Variants in CSMD2 observed in about 807,000 individuals in gnomAD.
CSMD2 encodes CUB and Sushi multiple domains 2, also known as CUB and sushi domain-containing protein 2.
Under a neutral mutation model 398.5 loss-of-function variants are expected in CSMD2, and 130 were observed. That is an observed-to-expected ratio of 0.33 (90% CI 0.28 to 0.38). The LOEUF (loss-of-function observed/expected upper bound fraction) is 0.38, where lower values mean the gene tolerates loss of function less well. Ranked by LOEUF, CSMD2 falls within the 10% of genes least tolerant of loss-of-function variation. The pLI, the probability that CSMD2 is intolerant of heterozygous loss-of-function variation, is 1.00. For missense variants in CSMD2, 3,829 were observed against 4,764.9 expected (o/e 0.80, Z 5.78); for synonymous variants, 1,828 against 1,908.5 (o/e 0.96, Z 1.10).
intron 53 of CSMD2, among the ~76,000 whole-genome samples, chr1:33,563,252 G>A (rs1658737842): frequency 6.6e-6 from 1 of 152,084 alleles, no homozygotes; most frequent in South Asian, 2.1e-4. Flanking sequence ...TAGAAGCTGA[G>A]GGAAACAGAA....
chr1:33,775,340 C>A (rs1341072477), intron 12 of CSMD2, among the ~76,000 whole-genome samples: 1 of 152,142 alleles, frequency 6.6e-6, no homozygotes, highest in East Asian at 1.9e-4. Context: ...TGTGTTTTAA[C>A]ACGGATATTT....
chr1:34,043,908 G>T (rs1407080472), intron 2 of CSMD2, among the ~76,000 whole-genome samples: 1 of 152,184 alleles, frequency 6.6e-6, no homozygotes, highest in Non-Finnish European at 1.5e-5. Flanking sequence ...TTCCTGGTTG[G>T]CAATATTTCA....
chr1:33,785,816 T>C (rs1171179191), intron 12 of CSMD2, among the ~76,000 whole-genome samples: 1 of 152,238 alleles, frequency 6.6e-6, no homozygotes, highest in Non-Finnish European at 1.5e-5. Context: ...TCCCTTTCTT[T>C]TCCAACAAGA....
At chr1:33,950,842 CCTT>C (rs1387192283) in intron 3 of CSMD2, among the ~76,000 whole-genome samples, 1 of 152,208 alleles carries the variant, frequency 6.6e-6, no homozygotes, top group African/African-American at 2.4e-5. Context: ...TTGTCTCCCT[CCTT>C]CCTATTCAGC....
Position 33,810,695 on chromosome 1 carries a change from A to G in CSMD2, c.1446+48T>C, listed in dbSNP as rs368892435. The G allele has an allele frequency of 1.9e-6, 3 of 1,585,322 alleles. No homozygotes were observed. In the East Asian group the frequency reaches 7.0e-5, roughly 37 times the overall value. On this transcript the variant is annotated intron_variant, in intron 10 of 70. Coordinates refer to ENST00000373381, the MANE Select transcript of CSMD2 (RefSeq NM_001281956.2). The stretch of plus-strand genomic sequence containing the variant: ...AAAACCTTGTAGGCCAACTGTCCCC[A>G]ACCTAGCCCTGCCCACAGAACACCA...
rs143571706 is a variant in CSMD2, at chr1:34,052,495, C to CTGTGTGTGTGTGTG, written c.405-19803_405-19790dup. On this transcript the variant is annotated intron_variant, in intron 2 of 70. Transcript: ENST00000373381. Reference sequence around the variant, plus strand: ...GAGAAATCAATCCCCTATGGGACAACTGTGTGTGTGTGTGTGTGTGTGTGT... The same window carrying CTGTGTGTGTGTGTG: ...GAGAAATCAATCCCCTATGGGACAACTGTGTGTGTGTGTGTGTGTGTGTGTGTGTGTGTGTGTGT... Among the ~76,000 whole-genome samples the CTGTGTGTGTGTGTG allele has an allele frequency of 7.6e-4, 102 of 134,168 alleles. 3 individuals are homozygous for CTGTGTGTGTGTGTG. The highest frequency in any genetic ancestry group is 2.5e-3 in the African/African-American group (88 of 34,984). 88.0% of individuals were successfully genotyped at this position (134,168 alleles called of 152,430 possible).
At chr1:33,847,638 CACA>C (rs1326300181) in intron 5 of CSMD2, among the ~76,000 whole-genome samples, 1 of 151,966 alleles carries the variant, frequency 6.6e-6, no homozygotes, top group Non-Finnish European at 1.5e-5. Flanking sequence ...TCTGTGATGC[CACA>C]ACATTTTATT....
intron 13 of CSMD2, among the ~76,000 whole-genome samples, chr1:33,769,685 A>G: frequency 6.6e-6 from 1 of 152,160 alleles, no homozygotes; most frequent in East Asian, 1.9e-4. Flanking sequence ...ATTCCCTAGT[A>G]AAGAGTTGTT....
At chr1:34,156,294 A>G (rs1020810522) in intron 1 of CSMD2, among the ~76,000 whole-genome samples, 8 of 152,212 alleles carry the variant, frequency 5.3e-5, no homozygotes, top group African/African-American at 1.9e-4. Context: ...AGGTAGACAG[A>G]TTGAGGCTGG....
intron 3 of CSMD2, among the ~76,000 whole-genome samples, chr1:33,961,038 T>C (rs1645340772): frequency 6.6e-6 from 1 of 152,250 alleles, no homozygotes; most frequent in Non-Finnish European, 1.5e-5. Flanking sequence ...CTGGGCCTTA[T>C]ATGAAATCCA....
intron 28 of CSMD2, among the ~76,000 whole-genome samples, 180 bp downstream of exon 28, chr1:33,652,143 A>G (rs1406576184): frequency 6.6e-6 from 1 of 152,192 alleles, no homozygotes; most frequent in Non-Finnish European, 1.5e-5. Context: ...GAGACCACTG[A>G]GCACAGTGCT....
intron 25 of CSMD2, among the ~76,000 whole-genome samples, chr1:33,669,141 G>T (rs1644408856): frequency 6.6e-6 from 1 of 152,180 alleles, no homozygotes; most frequent in Non-Finnish European, 1.5e-5. Flanking sequence ...AACTAGCAAG[G>T]GTCAGAGACG....
Position 33,519,521 on chromosome 1 carries a change from T to C in CSMD2, c.10893A>G (p.Val3631=). The C allele has an allele frequency of 6.2e-7, 1 of 1,613,498 alleles. No homozygotes were observed. The highest frequency in any genetic ancestry group is 8.5e-7 in the Non-Finnish European group (1 of 1,179,948). Residue 3631 remains valine (V), a synonymous_variant, in exon 70 of 71, where the codon GTA becomes GTG. Transcript: ENST00000373381. This position sits in a 1 kb window ranked among gnomAD's most constrained non-coding sequence, Gnocchi z 5.6. ...TGGTGGCGGCCAGGCCGGGTGGCTA[T>C]ACTGCTGTGCACACTGTGCTGACTG... is the stretch of plus-strand genomic sequence containing the variant. ...EFTVSTVCTA[V] is the part of the protein sequence containing the mutation.
At chr1:33,556,529 G>T (rs1272701965) in intron 55 of CSMD2, among the ~76,000 whole-genome samples, 1 of 152,144 alleles carries the variant, frequency 6.6e-6, no homozygotes, top group Non-Finnish European at 1.5e-5. Flanking sequence ...CTTGGAAGAT[G>T]GGGGAGAGAG....
chr1:33,954,235 A>T (rs1645093909), intron 3 of CSMD2, among the ~76,000 whole-genome samples: 1 of 152,142 alleles, frequency 6.6e-6, no homozygotes, highest in African/African-American at 2.4e-5. Context: ...AAATGAACTA[A>T]CTTGCCCTAG....
intron 1 of CSMD2, among the ~76,000 whole-genome samples, chr1:34,102,221 G>A (rs147643357): frequency 0.01 from 1,592 of 152,122 alleles, 24 homozygotes; most frequent in African/African-American, 0.035. Flanking sequence ...TAGTAGAGAC[G>A]GGGTTTCACT....
At chr1:34,011,215 AT>A (rs1375878737) in intron 3 of CSMD2, among the ~76,000 whole-genome samples, 1 of 152,164 alleles carries the variant, frequency 6.6e-6, no homozygotes, top group Non-Finnish European at 1.5e-5. Context: ...TGTGCTAGTA[AT>A]TCCTGATCAG....
chr1:34,007,404 C>A (rs936460497), intron 3 of CSMD2, among the ~76,000 whole-genome samples: 2 of 152,140 alleles, frequency 1.3e-5, no homozygotes, highest in Admixed American at 1.3e-4. Context: ...TCAAGATTGG[C>A]CTCCTCTGAC....
intron 5 of CSMD2, chr1:33,870,749 T>C (rs1640402794): frequency 6.6e-6 from 1 of 152,182 alleles, no homozygotes; most frequent in Admixed American, 6.5e-5. Flanking sequence ...ATTCACACTC[T>C]GTGTAATCCC....
Sources: gnomAD v4.1 joint callset for allele counts (sites outside exome capture counted in the v4.1 genomes callset) on GRCh38, gnomAD v4.1.1 for gene constraint, Gnocchi (gnomAD v3.1) non-coding constraint, MANE v1.5 for transcripts, NCBI Gene and HGNC (gene_info 2026-07-23, HGNC 2026-07-21) for gene names.